Variants in DPP6 observed in about 807,000 individuals in gnomAD.
DPP6 encodes the protein dipeptidyl peptidase like 6.
A neutral mutation model predicts 122.6 loss-of-function variants in DPP6; 69 were observed. That is an observed-to-expected ratio of 0.56 (90% CI 0.46 to 0.69). The LOEUF is 0.69. Ranked by LOEUF, DPP6 falls within the 30% of genes least tolerant of loss-of-function variation. DPP6 has a pLI of 0.00. For missense variants in DPP6, 928 were observed against 1,116.9 expected (o/e 0.83, Z 2.41); for synonymous variants, 418 against 433.1 (o/e 0.97, Z 0.43).
intron 21 of DPP6, among the ~76,000 whole-genome samples, chr7:154,883,278 G>C: frequency 8.6e-6 from 1 of 115,672 alleles, no homozygotes; most frequent in Non-Finnish European, 1.7e-5. Context: ...TCACACACAT[G>C]CTCACACATA....
chr7:154,336,108 A>G (rs1809394431), intron 1 of DPP6, among the ~76,000 whole-genome samples: 1 of 152,004 alleles, frequency 6.6e-6, no homozygotes, highest in Non-Finnish European at 1.5e-5. Context: ...GGCGTCAGTC[A>G]CTTTCCTGAG....
At chr7:154,016,465 A>T (rs1380838442) in intron 1 of DPP6, among the ~76,000 whole-genome samples, 1 of 152,100 alleles carries the variant, frequency 6.6e-6, no homozygotes, top group East Asian at 1.9e-4. Context: ...TCAATAAAGA[A>T]TTACAAGACT....
chr7:154,008,684 C>T (rs1267712368), intron 1 of DPP6, among the ~76,000 whole-genome samples: 3 of 126,660 alleles, frequency 2.4e-5, no homozygotes, highest in Admixed American at 9.1e-5. Flanking sequence ...TTTTTTGAGA[C>T]GGAGTCTCGC....
At chr7:153,912,337 A>G (rs182594446) in intron 1 of DPP6, among the ~76,000 whole-genome samples, 14 of 152,336 alleles carry the variant, frequency 9.2e-5, no homozygotes, top group Admixed American at 8.5e-4. Flanking sequence ...GCCTGACATC[A>G]GCTGAGAGGG....
At chr7:154,328,401 G>A (rs767127605) in intron 1 of DPP6, among the ~76,000 whole-genome samples, 8 of 152,186 alleles carry the variant, frequency 5.3e-5, no homozygotes, top group Non-Finnish European at 8.8e-5. Context: ...TGTTCAATTA[G>A]TGGAATATTT....
intron 6 of DPP6, among the ~76,000 whole-genome samples, chr7:154,658,294 ACT>A (rs1054774571): frequency 2.0e-5 from 3 of 152,160 alleles, no homozygotes; most frequent in Admixed American, 2.0e-4. Context: ...GGATATGGGA[ACT>A]CTCTGTAGTT....
At chr7:153,904,638 G>A (rs745406534) in intron 1 of DPP6, among the ~76,000 whole-genome samples, 60 of 152,126 alleles carry the variant, frequency 3.9e-4, no homozygotes, top group Non-Finnish European at 4.9e-4. Flanking sequence ...TTGATTGAAC[G>A]TCTCATACGC....
Position 154,892,632 on chromosome 7 carries a change from C to T in DPP6, c.*152C>T. On this transcript the variant is annotated 3_prime_UTR_variant, in exon 26 of 26. Transcript: ENST00000377770. Reference sequence around the variant, plus strand: ...GTCTCGGATGCGGAAGGCAGTTTTGCTTGGGAAACAAGCTCCTTCCCCGGG... The same window carrying T: ...GTCTCGGATGCGGAAGGCAGTTTTGTTTGGGAAACAAGCTCCTTCCCCGGG... 1 of 1,466,088 alleles carries T rather than the reference C, an allele frequency of 6.8e-7. No individual in the cohort carries two copies. The highest frequency in any genetic ancestry group is 9.2e-7 in the Non-Finnish European group (1 of 1,083,334). 90.8% of individuals were successfully genotyped at this position (1,466,088 alleles called of 1,614,324 possible).
intron 6 of DPP6, among the ~76,000 whole-genome samples, chr7:154,667,102 A>G (rs1838216037): frequency 6.6e-6 from 1 of 151,788 alleles, no homozygotes; most frequent in Non-Finnish European, 1.5e-5. Flanking sequence ...TACCTTTCAT[A>G]TGTTTGATTG....
chr7:153,891,343 C>CTAT (rs1398015786), intron 1 of DPP6, among the ~76,000 whole-genome samples: 14 of 150,976 alleles, frequency 9.3e-5, no homozygotes, highest in African/African-American at 3.0e-4. Flanking sequence ...TATTTTAATT[C>CTAT]TTGAGAAGAG....
the DPP6 span, among the ~76,000 whole-genome samples, chr7:153,814,915 A>G: frequency 6.6e-6 from 1 of 152,174 alleles, no homozygotes; most frequent in East Asian, 1.9e-4. Flanking sequence ...ACAATGCTTC[A>G]TGCTAAAAAC....
At position 154,276,994 on chromosome 7, in the gene DPP6, G is replaced by A. The variant is rs151247922; in HGVS notation, c.244-169220G>A. On this transcript the variant is annotated intron_variant, in intron 1 of 25. Transcript: ENST00000377770. Reference sequence around the variant, plus strand: ...GGAACCCTACACAGCACTTCAGCACGCACTTGGGGGCCATTTTAAACAGCA... The same window carrying A: ...GGAACCCTACACAGCACTTCAGCACACACTTGGGGGCCATTTTAAACAGCA... Among the ~76,000 whole-genome samples, 905 of 152,214 alleles carry A rather than the reference G, an allele frequency of 5.9e-3. 17 individuals are homozygous for A. Among genetic ancestry groups the A allele is most frequent in the African/African-American group, 0.02 (826 of 41,536 alleles).
At chr7:154,655,698 TGTGCTGCC>T (rs1837193472) in intron 6 of DPP6, among the ~76,000 whole-genome samples, 1 of 152,328 alleles carries the variant, frequency 6.6e-6, no homozygotes, top group East Asian at 1.9e-4. Flanking sequence ...TTAAGCCAAG[TGTGCTGCC>T]GTGGCCTAAA....
chr7:153,885,035 A>AT (rs1218879318), upstream of DPP6, among the ~76,000 whole-genome samples: 4 of 124,632 alleles, frequency 3.2e-5, no homozygotes, highest in Non-Finnish European at 6.5e-5. Flanking sequence ...TGTCTTCTTG[A>AT]TTTTTCCTCT....
At chr7:154,614,863 C>G (rs1834134523) in intron 5 of DPP6, among the ~76,000 whole-genome samples, 1 of 152,314 alleles carries the variant, frequency 6.6e-6, no homozygotes, top group Non-Finnish European at 1.5e-5. Context: ...CCAAGTATGT[C>G]AAATGTTGTT....
the DPP6 span, among the ~76,000 whole-genome samples, chr7:153,870,253 C>G: frequency 6.6e-6 from 1 of 152,240 alleles, no homozygotes; most frequent in Non-Finnish European, 1.5e-5. Context: ...CATTTTCCAA[C>G]TTGATTCCAT....
intron 5 of DPP6, among the ~76,000 whole-genome samples, chr7:154,593,723 A>T (rs1832934013): frequency 1.3e-5 from 2 of 152,140 alleles, no homozygotes. Flanking sequence ...GTCTCCAAGA[A>T]CCTGAGCCCT....
At chr7:153,767,855 G>A in the DPP6 span, among the ~76,000 whole-genome samples, 1 of 152,178 alleles carries the variant, frequency 6.6e-6, no homozygotes, top group Non-Finnish European at 1.5e-5. Flanking sequence ...ATTGTGTTGT[G>A]TTTTATAAAA....
At chr7:154,377,631 G>GCT (rs962668458) in intron 1 of DPP6, among the ~76,000 whole-genome samples, 1 of 151,966 alleles carries the variant, frequency 6.6e-6, no homozygotes, top group African/African-American at 2.4e-5. Context: ...TTCCCCCTTC[G>GCT]CTCTCTCTCA....
Sources: allele counts gnomAD v4.1 joint callset (sites outside exome capture counted in the v4.1 genomes callset), GRCh38; gene constraint gnomAD v4.1.1; transcripts MANE v1.5; gene names NCBI Gene and HGNC (gene_info 2026-07-23, HGNC 2026-07-21).